Variants in ZDHHC7 observed in about 807,000 individuals in gnomAD.
ZDHHC7 encodes palmitoyltransferase ZDHHC7.
A neutral mutation model predicts 34.1 loss-of-function variants in ZDHHC7; 12 were observed. The ratio of observed to expected loss-of-function variants is 0.35; its 90% CI spans 0.23 to 0.57. The LOEUF is 0.57. Ranked by LOEUF, ZDHHC7 falls within the 20% of genes least tolerant of loss-of-function variation. The pLI, the probability that ZDHHC7 is intolerant of heterozygous loss-of-function variation, is 0.84. For synonymous variants in ZDHHC7, 185 were observed against 155.4 expected, an observed-to-expected ratio of 1.19 and a Z score of -1.42; for missense variants, 388 against 402.7, an observed-to-expected ratio of 0.96 and a Z score of 0.31.
At position 84,988,004 on chromosome 16, in the gene ZDHHC7, C is replaced by T. The variant is rs558648217; in HGVS notation, c.315+2300G>A. 1.6e-4 allele frequency among the ~76,000 whole-genome samples: 25 copies of T among 152,240 alleles called. No homozygotes were observed. The South Asian group carries it at 4.8e-3, about 29-fold the overall frequency. On this transcript the variant is annotated intron_variant, in intron 3 of 7. Coordinates refer to ENST00000313732, the MANE Select transcript of ZDHHC7 (RefSeq NM_017740.3). ...CTAACACGGTGAAACCCCGTCTCTA[C>T]TAAAAATACAAAAAAATTAGCCGGG...
chr16:85,007,715 G>T (rs2072736646), intron 1 of ZDHHC7, among the ~76,000 whole-genome samples: 1 of 152,056 alleles, frequency 6.6e-6, no homozygotes, highest in South Asian at 2.1e-4. Context: ...CTAAGGTTGA[G>T]AGCTCTCCCT....
chr16:84,992,562 G>A (rs751863848), intron 2 of ZDHHC7, among the ~76,000 whole-genome samples: 7 of 152,222 alleles, frequency 4.6e-5, no homozygotes, highest in Non-Finnish European at 1.0e-4. Flanking sequence ...TGTTTGCTCT[G>A]AGAGTTGTAA....
intron 1 of ZDHHC7, among the ~76,000 whole-genome samples, chr16:85,005,869 C>T (rs2072710952): frequency 6.6e-6 from 1 of 152,154 alleles, no homozygotes; most frequent in African/African-American, 2.4e-5. Context: ...TGATTCACCA[C>T]CTTTTAGCCT....
At chr16:85,024,309 G>T in the ZDHHC7 span, among the ~76,000 whole-genome samples, 1 of 142,686 alleles carries the variant, frequency 7.0e-6, no homozygotes, top group East Asian at 2.1e-4. Context: ...TCGGCTCACT[G>T]CAACCTCCGC....
the ZDHHC7 span, among the ~76,000 whole-genome samples, chr16:85,021,773 T>G: frequency 1.2e-4 from 17 of 140,270 alleles, no homozygotes; most frequent in South Asian, 4.6e-4. Context: ...GAGGAGGAGA[T>G]AAGGAGAGGA....
chr16:85,006,298 G>A (rs1201237352), intron 1 of ZDHHC7, among the ~76,000 whole-genome samples: 9 of 152,192 alleles, frequency 5.9e-5, no homozygotes, highest in African/African-American at 1.2e-4. Context: ...GTTCAAGGCT[G>A]CAGTGAGCTA....
chr16:84,990,356 C>A lies in ZDHHC7; in HGVS notation c.263G>T (p.Cys88Phe). 6.2e-7 allele frequency: 1 copy of A among 1,614,064 alleles called. No individual in the cohort carries two copies. Among genetic ancestry groups the A allele is most frequent in the Non-Finnish European group, 8.5e-7 (1 of 1,180,002 alleles). The change falls in exon 3 of 8, where the codon TGC becomes TTC. Residue 88 changes from cysteine (C) to phenylalanine (F), a missense_variant. Transcript: ENST00000313732. ...GGATGACAGGGCAAGCACGGCCAAG[C>A]AGTTAAAGATGACCCCGTTGACCAC... Reference protein sequence around the residue: ...YSVVNGVIFNCLAVLALSSHL... With the variant: ...YSVVNGVIFNFLAVLALSSHL...
chr16:85,020,588 G>T, the ZDHHC7 span, among the ~76,000 whole-genome samples: 7 of 152,130 alleles, frequency 4.6e-5, no homozygotes, highest in Non-Finnish European at 7.4e-5. Flanking sequence ...AGTGGGTTCT[G>T]GGCAAAGGGA....
At position 84,985,727 on chromosome 16, in the gene ZDHHC7, G is replaced by A. The variant is rs557943694; in HGVS notation, c.316-3733C>T. Among the ~76,000 whole-genome samples, 65 of 152,166 alleles carry A rather than the reference G, an allele frequency of 4.3e-4. No homozygotes were observed. In the East Asian group the frequency reaches 0.012, roughly 29 times the overall value. On this transcript the variant is annotated intron_variant, in intron 3 of 7. Coordinates refer to ENST00000313732, the MANE Select transcript of ZDHHC7 (RefSeq NM_017740.3). ...CCTAGAACTTTGGGAGGCCGAGGCA[G>A]GCGGATCACTTGAGGTCAAGAGTTC...
intron 1 of ZDHHC7, among the ~76,000 whole-genome samples, chr16:84,996,540 T>C (rs2072579396): frequency 6.6e-6 from 1 of 152,028 alleles, no homozygotes; most frequent in African/African-American, 2.4e-5. Context: ...CCCCGAACCC[T>C]GACAGATGGG....
In ZDHHC7 at chr16:84,976,056, T is replaced by A; in HGVS notation, c.*287A>T. 4.9e-6 allele frequency: 2 copies of A among 404,630 alleles called. No homozygotes were observed. The highest frequency in any genetic ancestry group is 5.7e-5 in the South Asian group (2 of 34,872). 25.1% of individuals were successfully genotyped at this position (404,630 alleles called of 1,614,324 possible). A position where few individuals can be genotyped will look rare whatever the true frequency, so the allele number is the denominator to read the frequency against. On this transcript the variant is annotated 3_prime_UTR_variant, in exon 8 of 8. Coordinates refer to ENST00000313732, the MANE Select transcript of ZDHHC7 (RefSeq NM_017740.3). ...CAGGACCCAGGATTTGAATAACCCA[T>A]GTAATAACCCGAAGTATTCTCCACA...
chr16:84,977,938 C>G lies in ZDHHC7; in HGVS notation c.605G>C (p.Arg202Pro). 2.5e-6 allele frequency: 4 copies of G among 1,613,904 alleles called. No individual in the cohort carries two copies. The highest frequency in any genetic ancestry group is 2.2e-5 in the South Asian group (2 of 91,072). ...AGGGAACTTACCAGTCCACTGCCCT[C>G]GGACACAGGAGATGAACTGAAATCC... Reference protein sequence around the residue: ...LCGFQFISCVRGQWTECSDFS... With the variant: ...LCGFQFISCVPGQWTECSDFS... Residue 202 changes from arginine (R) to proline (P), a missense_variant, in exon 6 of 8, where the codon CGA becomes CCA. Coordinates refer to ENST00000313732, the MANE Select transcript of ZDHHC7 (RefSeq NM_017740.3).
At chr16:85,027,369 G>A in the ZDHHC7 span, among the ~76,000 whole-genome samples, 6 of 152,166 alleles carry the variant, frequency 3.9e-5, no homozygotes, top group African/African-American at 1.4e-4. Context: ...GATAGGGAGG[G>A]TAACTGACAC....
intron 3 of ZDHHC7, chr16:84,988,712 G>A (rs1451669850): frequency 4.6e-6 from 7 of 1,505,740 alleles, no homozygotes; most frequent in Non-Finnish European, 6.3e-6. Context: ...GCAAACTGCT[G>A]AGGACTCCCA....
intron 2 of ZDHHC7, among the ~76,000 whole-genome samples, chr16:84,995,361 C>T (rs186277997): frequency 1.3e-3 from 195 of 152,378 alleles, no homozygotes; most frequent in African/African-American, 4.5e-3. Flanking sequence ...CACAGTGGCT[C>T]ACGCCTGTAA....
At chr16:84,992,613 TTTCACCTA>T (rs2072525952) in intron 2 of ZDHHC7, among the ~76,000 whole-genome samples, 1 of 152,158 alleles carries the variant, frequency 6.6e-6, no homozygotes, top group African/African-American at 2.4e-5. Context: ...AGACAGTCAA[TTTCACCTA>T]GCTTTGCCAT....
chr16:85,025,709 C>T, the ZDHHC7 span, among the ~76,000 whole-genome samples: 1 of 152,152 alleles, frequency 6.6e-6, no homozygotes, highest in African/African-American at 2.4e-5. Flanking sequence ...CGCCCGGCCC[C>T]CTCTCTTTTA....
At chr16:85,002,360 C>T (rs766461508) in intron 1 of ZDHHC7, among the ~76,000 whole-genome samples, 1 of 152,098 alleles carries the variant, frequency 6.6e-6, no homozygotes, top group Non-Finnish European at 1.5e-5. Flanking sequence ...CTCAGTCAGC[C>T]AGGTGTTCAA....
the ZDHHC7 span, among the ~76,000 whole-genome samples, chr16:85,020,536 G>T: frequency 1.3e-5 from 2 of 152,214 alleles, no homozygotes; most frequent in Non-Finnish European, 2.9e-5. Context: ...ACATGTGAAA[G>T]ACATGGATAT....
Sources: gnomAD v4.1 joint callset for allele counts (sites outside exome capture counted in the v4.1 genomes callset) on GRCh38, gnomAD v4.1.1 for gene constraint, MANE v1.5 for transcripts, NCBI Gene and HGNC (gene_info 2026-07-23, HGNC 2026-07-21) for gene names.